Variants in SOX5 observed in about 807,000 individuals in gnomAD.
SOX5 encodes transcription factor SOX-5.
In SOX5, 9 loss-of-function variants were observed where a neutral mutation model predicts 92.0. The observed-to-expected ratio is 0.10, with a 90% CI of 0.06 to 0.17. SOX5 has a LOEUF of 0.17. Among genes scored for constraint, SOX5 ranks in the 10% least tolerant of loss-of-function variants. The pLI is 1.00. For synonymous variants in SOX5, 344 were observed against 336.3 expected (o/e 1.02, Z -0.25); for missense variants, 642 against 944.5 (o/e 0.68, Z 4.20).
chr12:23,609,855 T>C (rs1397995001), intron 8 of SOX5, among the ~76,000 whole-genome samples: 1 of 152,134 alleles, frequency 6.6e-6, no homozygotes, highest in African/African-American at 2.4e-5. Context: ...TAAGCTTGAA[T>C]TGTATCTAAC....
intron 3 of SOX5, among the ~76,000 whole-genome samples, chr12:23,842,379 C>A (rs1427167822): frequency 1.3e-5 from 2 of 152,078 alleles, no homozygotes; most frequent in Non-Finnish European, 2.9e-5. Flanking sequence ...AGTAAGAACT[C>A]ATGTTCAGCT....
At chr12:23,984,735 G>A (rs929305803) in intron 4 of SOX5, among the ~76,000 whole-genome samples, 1 of 152,118 alleles carries the variant, frequency 6.6e-6, no homozygotes, top group Non-Finnish European at 1.5e-5. Context: ...AGTCGGTAAA[G>A]CTCTTACTGT....
chr12:24,189,490 T>C (rs1426168064), intron 4 of SOX5, among the ~76,000 whole-genome samples: 1 of 152,094 alleles, frequency 6.6e-6, no homozygotes, highest in African/African-American at 2.4e-5. Flanking sequence ...GAGTAGATAG[T>C]TTCCAAGCAG....
intron 9 of SOX5, among the ~76,000 whole-genome samples, chr12:23,588,615 T>C (rs1951075887): frequency 6.6e-6 from 1 of 151,910 alleles, no homozygotes; most frequent in Non-Finnish European, 1.5e-5. Flanking sequence ...AGAGACAAAA[T>C]GAGTATATTT....
intron 1 of SOX5, among the ~76,000 whole-genome samples, chr12:23,931,858 A>G (rs1027508512): frequency 6.6e-6 from 1 of 151,626 alleles, no homozygotes; most frequent in Non-Finnish European, 1.5e-5. Context: ...CGGACTTTGT[A>G]ATCAATATTT....
intron 2 of SOX5, among the ~76,000 whole-genome samples, chr12:24,320,864 CAAA>C (rs71063308): frequency 4.4e-5 from 6 of 135,674 alleles, no homozygotes; most frequent in Admixed American, 1.5e-4. Context: ...GACTCTGTCT[CAAA>C]AAAAAATAAT....
chr12:23,570,920 AAAAAAAAAAAATATATAT>A (rs1233073161), intron 10 of SOX5, among the ~76,000 whole-genome samples: 4 of 41,694 alleles, frequency 9.6e-5, no homozygotes, highest in Admixed American at 3.4e-4. Flanking sequence ...CAAAAAAAAA[AAAAAAAAAAAATATATAT>A]ATATATATAT....
In SOX5 at chr12:23,531,656, A is replaced by G. The variant is rs549321684; in HGVS notation, c.*2563T>C. On this transcript the variant is annotated 3_prime_UTR_variant, in exon 15 of 15. Coordinates refer to ENST00000451604, the MANE Select transcript of SOX5 (RefSeq NM_006940.6). ...AAAAATGATATAAAAACAAGTGTCT[A>G]TTTTTTCCTTATCCAGAGTGCTTAA... The G allele has an allele frequency of 7.2e-5, 11 of 152,238 alleles. No individual in the cohort carries two copies. In the East Asian group the frequency reaches 9.7e-4, roughly 13 times the overall value. 9.4% of individuals were successfully genotyped at this position (152,238 alleles called of 1,614,324 possible).
chr12:23,953,909 G>A (rs942284457), upstream of SOX5, among the ~76,000 whole-genome samples: 3 of 151,988 alleles, frequency 2.0e-5, no homozygotes, highest in Admixed American at 1.3e-4. Context: ...TTGAGCTCAT[G>A]TTGTTTCCAT....
intron 4 of SOX5, among the ~76,000 whole-genome samples, chr12:24,043,033 A>G (rs1477097666): frequency 2.6e-5 from 4 of 152,190 alleles, no homozygotes; most frequent in African/African-American, 9.6e-5. Flanking sequence ...ATGTTGGGGC[A>G]TATAAAAATA....
chr12:23,631,926 T>A (rs188786283), intron 8 of SOX5, among the ~76,000 whole-genome samples: 5 of 152,086 alleles, frequency 3.3e-5, no homozygotes, highest in Non-Finnish European at 7.4e-5. Context: ...GTAATAACTA[T>A]GGAAGCAGTT....
intron 1 of SOX5, among the ~76,000 whole-genome samples, chr12:24,397,450 A>C (rs1311516348): frequency 6.6e-6 from 1 of 152,218 alleles, no homozygotes; most frequent in Admixed American, 6.5e-5. Context: ...ATCACTGGAC[A>C]ATAATAACTA....
Position 23,770,048 on chromosome 12 carries a change from GTTTTT to G in SOX5, c.482-14329_482-14325del, listed in dbSNP as rs71059922. Among the ~76,000 whole-genome samples, 13 of 106,518 alleles carry G rather than the reference GTTTTT, an allele frequency of 1.2e-4. No individual in the cohort carries two copies. The Admixed American group carries it at 1.3e-3, about 11-fold the overall frequency. The allele number at this position is 106,518 out of a possible 152,430, so 69.9% of individuals were successfully genotyped here. A position where few individuals can be genotyped will look rare whatever the true frequency, so the allele number is the denominator to read the frequency against. ...ATATTTCAAGTTAAATGCTCCCTCT[GTTTTT>G]TTTTTTTTTTTTTGCCTCACAATAA... On this transcript the variant is annotated intron_variant, in intron 3 of 14. Coordinates refer to ENST00000451604, the MANE Select transcript of SOX5 (RefSeq NM_006940.6).
At chr12:23,994,921 C>T (rs1950895459) in intron 4 of SOX5, among the ~76,000 whole-genome samples, 1 of 152,108 alleles carries the variant, frequency 6.6e-6, no homozygotes, top group Non-Finnish European at 1.5e-5. Context: ...ATGTCTAGAA[C>T]AATTGGATCA....
chr12:24,118,018 CAAAAAAAAAAAA>C (rs964710930), intron 4 of SOX5, among the ~76,000 whole-genome samples: 5 of 41,822 alleles, frequency 1.2e-4, no homozygotes, highest in Admixed American at 1.2e-3. Context: ...GACTCTCATT[CAAAAAAAAAAAA>C]AAAAAAAAGA....
At chr12:23,713,746 T>C (rs551926035) in intron 6 of SOX5, among the ~76,000 whole-genome samples, 5 of 148,352 alleles carry the variant, frequency 3.4e-5, no homozygotes, top group African/African-American at 9.8e-5. Context: ...TATACATATA[T>C]ATGCGTGTGT....
rs766928901 is a variant in SOX5 at position 24,525,854 on chromosome 12, C to CAA, written c.-251+36473_-251+36474dup. On this transcript the variant is annotated intron_variant, in intron 1 of 4. Coordinates refer to the SOX5 transcript ENST00000446891. Reference sequence around the variant, plus strand: ...TGGGTGACAGAGCGAGACTCCATCTCAAAAAAAAAAAAGAGTAGCCAGTAG... The same window carrying CAA: ...TGGGTGACAGAGCGAGACTCCATCTCAAAAAAAAAAAAAAGAGTAGCCAGTAG... Among the ~76,000 whole-genome samples, 5 of 136,124 alleles carry CAA rather than the reference C, an allele frequency of 3.7e-5. 1 individual carries two copies. The highest frequency in any genetic ancestry group is 1.3e-4 in the African/African-American group (5 of 37,520). The allele number at this position is 136,124 out of a possible 152,430, so 89.3% of individuals were successfully genotyped here. A position where few individuals can be genotyped will look rare whatever the true frequency, so the allele number is the denominator to read the frequency against.
intron 4 of SOX5, among the ~76,000 whole-genome samples, chr12:24,203,523 T>A (rs1957737580): frequency 1.3e-5 from 2 of 152,220 alleles, no homozygotes; most frequent in Admixed American, 6.5e-5. Context: ...ATTTCATTAT[T>A]TGTATATCTG....
chr12:24,126,136 C>T (rs1949081854), intron 4 of SOX5, among the ~76,000 whole-genome samples: 1 of 152,184 alleles, frequency 6.6e-6, no homozygotes, highest in African/African-American at 2.4e-5. Flanking sequence ...TACTGAAGTT[C>T]CTCAGGGCTA....
Sources: gnomAD v4.1 joint callset for allele counts (sites outside exome capture counted in the v4.1 genomes callset) on GRCh38, gnomAD v4.1.1 for gene constraint, MANE v1.5 for transcripts, NCBI Gene and HGNC (gene_info 2026-07-23, HGNC 2026-07-21) for gene names.